The following ATP8A2 variants were observed in gnomAD, a reference collection of about 807,000 sequenced individuals.
ATP8A2 encodes phospholipid-transporting ATPase IB.
A neutral mutation model predicts 165.6 loss-of-function variants in ATP8A2; 100 were observed. The ratio of observed to expected loss-of-function variants is 0.60; its 90% CI spans 0.51 to 0.71. ATP8A2 has a LOEUF of 0.71. Among genes scored for constraint, ATP8A2 ranks in the 30% least tolerant of loss-of-function variants. ATP8A2 has a pLI of 0.00. For synonymous variants in ATP8A2, 543 were observed against 548.8 expected, an observed-to-expected ratio of 0.99 and a Z score of 0.15; for missense variants, 1,227 against 1,479.5, an observed-to-expected ratio of 0.83 and a Z score of 2.80.
At chr13:25,924,974 C>T (rs148948003) in intron 33 of ATP8A2, among the ~76,000 whole-genome samples, 20 of 152,274 alleles carry the variant, frequency 1.3e-4, no homozygotes, top group African/African-American at 4.1e-4. Flanking sequence ...ACTGTGAGTC[C>T]GTTAAACCTC....
At position 25,868,455 on chromosome 13, in the gene ATP8A2, G is replaced by A. The variant is rs116377469; in HGVS notation, c.3183+6047G>A. The stretch of plus-strand genomic sequence containing the variant: ...TCCTATCAGCAGAGATTCACCTTTC[G>A]GTTTGGAATAACATCGTGACATCTT... On this transcript the variant is annotated intron_variant, in intron 33 of 36. Coordinates refer to ENST00000381655, the MANE Select transcript of ATP8A2 (RefSeq NM_016529.6). 4.5e-3 allele frequency among the ~76,000 whole-genome samples: 690 copies of A among 152,244 alleles called. 6 individuals are homozygous for A. The highest frequency in any genetic ancestry group is 0.016 in the African/African-American group (661 of 41,532).
At chr13:25,851,005 T>C (rs964398848) in intron 30 of ATP8A2, among the ~76,000 whole-genome samples, 25 of 152,216 alleles carry the variant, frequency 1.6e-4, no homozygotes, top group Admixed American at 1.6e-3. Context: ...TGAAGGATGC[T>C]ATCTTTTCAG....
At chr13:25,375,927 A>G (rs1361548268) in intron 1 of ATP8A2, among the ~76,000 whole-genome samples, 1 of 151,336 alleles carries the variant, frequency 6.6e-6, no homozygotes, top group East Asian at 1.9e-4. Flanking sequence ...TCCACACCCA[A>G]CTCACCCTGC....
At chr13:25,758,228 T>C (rs1224845471) in intron 25 of ATP8A2, among the ~76,000 whole-genome samples, 2 of 152,228 alleles carry the variant, frequency 1.3e-5, no homozygotes, top group African/African-American at 4.8e-5. Flanking sequence ...ATGATAAGTG[T>C]GTCCTTGAAC....
chr13:25,948,545 C>T (rs1460112930), intron 33 of ATP8A2, among the ~76,000 whole-genome samples: 1 of 152,122 alleles, frequency 6.6e-6, no homozygotes, highest in Non-Finnish European at 1.5e-5. Context: ...TTGCTATGGA[C>T]TGAATGTGTC....
chr13:25,420,603 G>A (rs2034270958), intron 1 of ATP8A2, among the ~76,000 whole-genome samples: 1 of 152,170 alleles, frequency 6.6e-6, no homozygotes, highest in Non-Finnish European at 1.5e-5. Flanking sequence ...TGCATGCAGG[G>A]CTTATTACCT....
intron 2 of ATP8A2, among the ~76,000 whole-genome samples, chr13:25,494,078 G>T (rs914834119): frequency 2.0e-5 from 3 of 152,132 alleles, no homozygotes; most frequent in Non-Finnish European, 2.9e-5. Flanking sequence ...GGGGTAGGGC[G>T]GAGAGTTTGA....
At chr13:25,904,388 T>C (rs1428706315) in intron 33 of ATP8A2, among the ~76,000 whole-genome samples, 1 of 152,208 alleles carries the variant, frequency 6.6e-6, no homozygotes, top group Non-Finnish European at 1.5e-5. Flanking sequence ...CTTCATGCCC[T>C]TCGACATTCT....
chr13:25,825,955 T>C (rs1250705369), intron 27 of ATP8A2, among the ~76,000 whole-genome samples: 1 of 151,674 alleles, frequency 6.6e-6, no homozygotes, highest in Non-Finnish European at 1.5e-5. Context: ...ATGGAGGGAA[T>C]TGGGGTGATG....
intron 33 of ATP8A2, among the ~76,000 whole-genome samples, chr13:25,866,781 C>T (rs1193856661): frequency 6.6e-6 from 1 of 152,316 alleles, no homozygotes; most frequent in African/African-American, 2.4e-5. Flanking sequence ...TGCTTTAAAA[C>T]ACCTAAAATA....
At chr13:25,541,116 T>C (rs2038462884) in intron 8 of ATP8A2, among the ~76,000 whole-genome samples, 1 of 152,050 alleles carries the variant, frequency 6.6e-6, no homozygotes, top group Admixed American at 6.6e-5. Flanking sequence ...CTGCTTGCTT[T>C]GGCCTCCCAA....
At chr13:25,854,609 C>T (rs1239331231) in intron 30 of ATP8A2, among the ~76,000 whole-genome samples, 8 of 152,186 alleles carry the variant, frequency 5.3e-5, no homozygotes, top group Non-Finnish European at 7.3e-5. Flanking sequence ...GGCCACTGTG[C>T]CTGGCCAAAT....
At chr13:25,924,888 A>C (rs2765748) in intron 33 of ATP8A2, among the ~76,000 whole-genome samples, 131,943 of 152,178 alleles carry the variant, frequency 0.87, 57,284 homozygotes, top group East Asian at 0.99. Flanking sequence ...CACTCTCTTG[A>C]CTGCTGCCAC....
rs146234339 is a variant in ATP8A2, at chr13:25,871,844, G to A, written c.3183+9436G>A. On this transcript the variant is annotated intron_variant, in intron 33 of 36. Transcript: ENST00000381655. ...GTGTCTGTGCTTGTATGTATACTTC[G>A]ATTCGCAATACTTTTTTAGTGACTG... Among the ~76,000 whole-genome samples the A allele has an allele frequency of 3.0e-4, 46 of 152,218 alleles. No homozygotes were observed. In the East Asian group the frequency reaches 8.5e-3, roughly 28 times the overall value.
intron 33 of ATP8A2, among the ~76,000 whole-genome samples, chr13:25,928,552 G>A (rs895417178): frequency 6.6e-6 from 1 of 152,144 alleles, no homozygotes; most frequent in Admixed American, 6.5e-5. Context: ...TAAAGAGAAA[G>A]AAAATGATTA....
chr13:25,954,392 G>A (rs1185504246), intron 33 of ATP8A2, among the ~76,000 whole-genome samples: 1 of 152,212 alleles, frequency 6.6e-6, no homozygotes, highest in African/African-American at 2.4e-5. Flanking sequence ...ATCTCCCTGG[G>A]ACAGAGCACC....
chr13:25,523,304 C>G (rs2037731471), intron 2 of ATP8A2, among the ~76,000 whole-genome samples: 1 of 142,980 alleles, frequency 7.0e-6, no homozygotes, highest in African/African-American at 2.6e-5. Flanking sequence ...CAGAGTTTCA[C>G]TCTCATTGCC....
chr13:25,795,303 A>G (rs146494132), intron 27 of ATP8A2, among the ~76,000 whole-genome samples: 101 of 152,332 alleles, frequency 6.6e-4, no homozygotes, highest in African/African-American at 2.4e-3. Flanking sequence ...TAAAATGCTT[A>G]TGTTTCTATA....
chr13:25,528,979 C>G (rs1384350280), intron 2 of ATP8A2, among the ~76,000 whole-genome samples: 1 of 152,012 alleles, frequency 6.6e-6, no homozygotes, highest in Non-Finnish European at 1.5e-5. Flanking sequence ...CTCCCCACTT[C>G]CCCCACCCCA....
Sources: gnomAD v4.1 joint callset for allele counts (sites outside exome capture counted in the v4.1 genomes callset) on GRCh38, gnomAD v4.1.1 for gene constraint, MANE v1.5 for transcripts, NCBI Gene and HGNC (gene_info 2026-07-23, HGNC 2026-07-21) for gene names.